LSAMP: variants seen among roughly 807,000 people sequenced by gnomAD.
The protein encoded by LSAMP is limbic system-associated membrane protein.
Under a neutral mutation model 38.6 loss-of-function variants are expected in LSAMP, and 7 were observed. That is an observed-to-expected ratio of 0.18 (90% CI 0.10 to 0.34). The LOEUF (loss-of-function observed/expected upper bound fraction) is 0.34. Among genes scored for constraint, LSAMP ranks in the 10% least tolerant of loss-of-function variants. The pLI, the probability that LSAMP is intolerant of heterozygous loss-of-function variation, is 1.00. For missense variants in LSAMP, 313 were observed against 420.0 expected, an observed-to-expected ratio of 0.75 and a Z score of 2.23; for synonymous variants, 154 against 166.8, an observed-to-expected ratio of 0.92 and a Z score of 0.59.
intron 3 of LSAMP, among the ~76,000 whole-genome samples, chr3:115,902,718 A>G (rs1277111005): frequency 6.6e-6 from 1 of 152,106 alleles, no homozygotes; most frequent in Non-Finnish European, 1.5e-5. Context: ...AGACATACAT[A>G]CAGCCAACAA....
intron 3 of LSAMP, among the ~76,000 whole-genome samples, chr3:115,992,567 T>G (rs10212425): frequency 6.6e-6 from 1 of 151,886 alleles, no homozygotes; most frequent in South Asian, 2.1e-4. Flanking sequence ...AATCTTCTCA[T>G]AAGATGCAAA....
At chr3:116,271,468 T>G (rs375213830) in intron 1 of LSAMP, among the ~76,000 whole-genome samples, 2 of 152,112 alleles carry the variant, frequency 1.3e-5, no homozygotes, top group African/African-American at 4.8e-5. Context: ...TTCCTTAAGA[T>G]TGCTAGAACT....
chr3:115,845,578 T>TG (rs3841935), intron 4 of LSAMP, among the ~76,000 whole-genome samples: 67,281 of 151,916 alleles, frequency 0.44, 16,108 homozygotes, highest in African/African-American at 0.64. Flanking sequence ...GGTTCTCCTC[T>TG]TTTCTCCATG....
chr3:116,071,937 T>C (rs912405358), intron 2 of LSAMP, among the ~76,000 whole-genome samples: 1 of 152,046 alleles, frequency 6.6e-6, no homozygotes, highest in South Asian at 2.1e-4. Context: ...TCTCATTCCT[T>C]TTTGTGGCTG....
At chr3:116,396,087 A>G (rs966247003) in intron 1 of LSAMP, among the ~76,000 whole-genome samples, 1 of 152,188 alleles carries the variant, frequency 6.6e-6, no homozygotes, top group Non-Finnish European at 1.5e-5. Flanking sequence ...AATGGACAAC[A>G]TTTTGGAGGA....
chr3:116,306,817 A>G (rs2047490979), intron 1 of LSAMP, among the ~76,000 whole-genome samples: 1 of 152,052 alleles, frequency 6.6e-6, no homozygotes, highest in African/African-American at 2.4e-5. Context: ...AAAGGGGTAT[A>G]ACTATAAAAA....
At chr3:115,907,570 A>C (rs991711820) in intron 3 of LSAMP, among the ~76,000 whole-genome samples, 2 of 152,146 alleles carry the variant, frequency 1.3e-5, no homozygotes, top group Non-Finnish European at 2.9e-5. Flanking sequence ...TACCCTACAC[A>C]GACTAAGATA....
chr3:116,401,112 G>T (rs2048835645), intron 1 of LSAMP, among the ~76,000 whole-genome samples: 1 of 152,142 alleles, frequency 6.6e-6, no homozygotes. Context: ...CCAGATAAGG[G>T]CTAACAACAA....
chr3:116,319,727 G>C lies in LSAMP; in HGVS notation c.155+125150C>G, dbSNP rs184715666. On this transcript the variant is annotated intron_variant, in intron 1 of 6. Coordinates refer to ENST00000490035, the MANE Select transcript of LSAMP (RefSeq NM_002338.5). ...TTCCCTTTCTTGCTGCTACTGTTCA[G>C]AGGTAAATGCTCGCTTTTTATTAAA... Among the ~76,000 whole-genome samples the C allele has an allele frequency of 7.9e-5, 12 of 151,984 alleles. No homozygotes were observed. The East Asian group carries it at 2.3e-3, about 29-fold the overall frequency.
intron 3 of LSAMP, among the ~76,000 whole-genome samples, chr3:115,916,193 C>T (rs575370279): frequency 6.6e-6 from 1 of 152,154 alleles, no homozygotes; most frequent in African/African-American, 2.4e-5. Flanking sequence ...GGGATATCTC[C>T]CACCTGCCTT....
At chr3:116,351,856 A>T (rs183576000) in intron 1 of LSAMP, among the ~76,000 whole-genome samples, 71 of 152,194 alleles carry the variant, frequency 4.7e-4, no homozygotes, top group Non-Finnish European at 8.1e-4. Flanking sequence ...AAACCAAACA[A>T]AAGTATATCT....
intron 1 of LSAMP, among the ~76,000 whole-genome samples, chr3:116,383,944 T>A (rs2048593336): frequency 6.6e-6 from 1 of 152,126 alleles, no homozygotes; most frequent in East Asian, 1.9e-4. Context: ...AGTGTATTGG[T>A]GTCTAACAGC....
At chr3:115,951,366 A>G (rs1938283048) in intron 3 of LSAMP, among the ~76,000 whole-genome samples, 1 of 152,186 alleles carries the variant, frequency 6.6e-6, no homozygotes, top group Admixed American at 6.5e-5. Context: ...ATATTCACAA[A>G]CTATGCATCT....
intron 3 of LSAMP, among the ~76,000 whole-genome samples, chr3:115,981,530 A>AT (rs1939361004): frequency 6.6e-6 from 1 of 152,160 alleles, no homozygotes. Flanking sequence ...TTATAATCAT[A>AT]TTACATACCT....
intron 3 of LSAMP, among the ~76,000 whole-genome samples, chr3:115,934,313 G>T (rs1223253726): frequency 2.0e-5 from 3 of 151,844 alleles, no homozygotes; most frequent in Non-Finnish European, 4.4e-5. Context: ...CAATAGGTTG[G>T]ATTACAGGCG....
intron 3 of LSAMP, among the ~76,000 whole-genome samples, chr3:115,904,755 T>G (rs1171549217): frequency 6.6e-6 from 1 of 152,134 alleles, no homozygotes. Flanking sequence ...CTTACTCATT[T>G]CATCTCTGCC....
At chr3:116,425,486 G>C (rs1312183061) in intron 1 of LSAMP, among the ~76,000 whole-genome samples, 1 of 152,178 alleles carries the variant, frequency 6.6e-6, no homozygotes, top group Non-Finnish European at 1.5e-5. Flanking sequence ...CTAACAACTA[G>C]TTGTTTGACC....
chr3:115,877,271 C>G (rs928530948), intron 3 of LSAMP, among the ~76,000 whole-genome samples: 1 of 151,498 alleles, frequency 6.6e-6, no homozygotes, highest in Non-Finnish European at 1.5e-5. Context: ...TTTTCTCCTT[C>G]CTGCCTCCTT....
intron 2 of LSAMP, among the ~76,000 whole-genome samples, chr3:116,069,126 G>GA (rs1236485301): frequency 1.3e-5 from 2 of 152,084 alleles, no homozygotes; most frequent in Admixed American, 6.5e-5. Flanking sequence ...CACCAAAAAA[G>GA]AAAAAACACA....
Sources: gnomAD v4.1 joint callset for allele counts (sites outside exome capture counted in the v4.1 genomes callset) on GRCh38, gnomAD v4.1.1 for gene constraint, MANE v1.5 for transcripts, NCBI Gene and HGNC (gene_info 2026-07-23, HGNC 2026-07-21) for gene names.